The following CNBD1 variants were observed in gnomAD, a reference collection of about 807,000 sequenced individuals.
CNBD1 encodes cyclic nucleotide-binding domain-containing protein 1.
CNBD1 carries 71 observed loss-of-function variants against 54.4 expected under a neutral mutation model. The observed-to-expected ratio is 1.30, with a 90% CI of 1.08 to 1.59. The LOEUF (loss-of-function observed/expected upper bound fraction) is 1.59, where lower values mean the gene tolerates loss of function less well. CNBD1 is among the 40% of genes most tolerant of loss of function. CNBD1 has a pLI of 0.00. For synonymous variants in CNBD1, 182 were observed against 170.7 expected (o/e 1.07, Z -0.51); for missense variants, 659 against 518.0 (o/e 1.27, Z -2.64).
At chr8:87,135,126 T>C (rs1205553162) in intron 4 of CNBD1, among the ~76,000 whole-genome samples, 1 of 152,092 alleles carries the variant, frequency 6.6e-6, no homozygotes, top group East Asian at 1.9e-4. Flanking sequence ...GATTTCTAGA[T>C]CATTTTGGTT....
chr8:87,344,515 T>C (rs1810131135), intron 8 of CNBD1, among the ~76,000 whole-genome samples: 1 of 152,126 alleles, frequency 6.6e-6, no homozygotes, highest in Non-Finnish European at 1.5e-5. Flanking sequence ...AATATCTGTA[T>C]GAAATATGAT....
At chr8:87,335,079 T>C (rs973418326) in intron 8 of CNBD1, among the ~76,000 whole-genome samples, 1 of 152,214 alleles carries the variant, frequency 6.6e-6, no homozygotes, top group Non-Finnish European at 1.5e-5. Flanking sequence ...GAGACTGTTA[T>C]GATTTCAGTT....
At chr8:87,000,208 G>A (rs868034261) in intron 4 of CNBD1, among the ~76,000 whole-genome samples, 4 of 152,030 alleles carry the variant, frequency 2.6e-5, no homozygotes, top group Non-Finnish European at 4.4e-5. Context: ...TCCCCATGAT[G>A]TTCTCATGAT....
chr8:86,880,992 ACT>A (rs1808598726), intron 1 of CNBD1, among the ~76,000 whole-genome samples: 1 of 152,172 alleles, frequency 6.6e-6, no homozygotes, highest in South Asian at 2.1e-4. Flanking sequence ...CATGTTAAAA[ACT>A]CTCAATAAAC....
At chr8:87,292,833 C>T (rs1808811825) in intron 8 of CNBD1, among the ~76,000 whole-genome samples, 1 of 152,092 alleles carries the variant, frequency 6.6e-6, no homozygotes, top group Admixed American at 6.6e-5. Flanking sequence ...AAGTTCATCC[C>T]CTGTTTCACA....
At chr8:87,324,766 T>C (rs914669050) in intron 8 of CNBD1, among the ~76,000 whole-genome samples, 27 of 146,562 alleles carry the variant, frequency 1.8e-4, no homozygotes, top group African/African-American at 6.9e-4. Flanking sequence ...CCTGGATTCA[T>C]TGATTTTTTG....
chr8:87,056,122 A>G (rs1810413009), intron 4 of CNBD1, among the ~76,000 whole-genome samples: 2 of 152,172 alleles, frequency 1.3e-5, no homozygotes, highest in Admixed American at 1.3e-4. Context: ...GAGAGATCTA[A>G]CAGCTTGCCC....
intron 4 of CNBD1, among the ~76,000 whole-genome samples, chr8:86,944,383 ATGTAT>A (rs1807416039): frequency 6.6e-6 from 1 of 152,190 alleles, no homozygotes; most frequent in Non-Finnish European, 1.5e-5. Flanking sequence ...CTAAACACAT[ATGTAT>A]TCTGTCAGTT....
At chr8:87,236,035 G>A (rs555742301) in intron 5 of CNBD1, among the ~76,000 whole-genome samples, 3 of 152,152 alleles carry the variant, frequency 2.0e-5, no homozygotes, top group Non-Finnish European at 4.4e-5. Flanking sequence ...GACATGGCAA[G>A]CATTTGATGA....
At chr8:87,188,211 C>A (rs1813520488) in intron 4 of CNBD1, among the ~76,000 whole-genome samples, 1 of 152,164 alleles carries the variant, frequency 6.6e-6, no homozygotes, top group Admixed American at 6.5e-5. Context: ...GCGAATGTCT[C>A]TGCTCCCCTA....
In CNBD1 at chr8:87,354,884, A is replaced by G. The variant is rs543479964; in HGVS notation, c.1303+1098A>G. Among the ~76,000 whole-genome samples, 7 of 152,292 alleles carry G rather than the reference A, an allele frequency of 4.6e-5. No homozygotes were observed. The South Asian group carries it at 1.4e-3, about 32-fold the overall frequency. On this transcript the variant is annotated intron_variant, in intron 10 of 10. Coordinates refer to ENST00000518476, the MANE Select transcript of CNBD1 (RefSeq NM_173538.3). The stretch of plus-strand genomic sequence containing the variant: ...ATAACATACGTATGCATTTGTCTTT[A>G]TAGCAGCATGATTTATAATCCTTTG...
intron 4 of CNBD1, among the ~76,000 whole-genome samples, chr8:87,005,650 T>C (rs1809083022): frequency 6.6e-6 from 1 of 152,076 alleles, no homozygotes; most frequent in Non-Finnish European, 1.5e-5. Context: ...CCAGACATGT[T>C]AAACAGGCAA....
At chr8:87,224,851 G>A (rs1454985281) in intron 5 of CNBD1, among the ~76,000 whole-genome samples, 2 of 151,384 alleles carry the variant, frequency 1.3e-5, no homozygotes, top group African/African-American at 2.4e-5. Flanking sequence ...CCATTTTCAT[G>A]ATATTGATTC....
chr8:87,012,339 G>C (rs1211486284), intron 4 of CNBD1, among the ~76,000 whole-genome samples: 1 of 152,100 alleles, frequency 6.6e-6, no homozygotes, highest in Non-Finnish European at 1.5e-5. Flanking sequence ...AGGGAGTCAT[G>C]CCCCACAAAC....
intron 4 of CNBD1, among the ~76,000 whole-genome samples, chr8:87,183,894 A>G (rs1328811971): frequency 6.6e-6 from 1 of 152,170 alleles, no homozygotes; most frequent in Non-Finnish European, 1.5e-5. Flanking sequence ...TTGGGGTCAA[A>G]CACCTGCTAC....
chr8:87,015,706 C>T (rs1296260418), intron 4 of CNBD1, among the ~76,000 whole-genome samples: 1 of 151,658 alleles, frequency 6.6e-6, no homozygotes, highest in Non-Finnish European at 1.5e-5. Context: ...TTAGACATGC[C>T]TTTTGGCTCA....
chr8:87,310,191 C>A (rs1399463283), intron 8 of CNBD1, among the ~76,000 whole-genome samples: 1 of 151,894 alleles, frequency 6.6e-6, no homozygotes, highest in African/African-American at 2.4e-5. Flanking sequence ...TCCATCTCTA[C>A]AAAAAAGTTT....
intron 2 of CNBD1, among the ~76,000 whole-genome samples, chr8:87,413,013 C>A (rs992044608): frequency 1.3e-5 from 2 of 151,952 alleles, no homozygotes; most frequent in Non-Finnish European, 2.9e-5. Flanking sequence ...CGAGATACAA[C>A]AGAACTCGGG....
chr8:87,361,709 T>TATATATATATATATATATATA (rs1554582984), intron 10 of CNBD1, among the ~76,000 whole-genome samples: 1 of 150,264 alleles, frequency 6.7e-6, no homozygotes, highest in African/African-American at 2.4e-5. Flanking sequence ...TATATATATA[T>TATATATATATATATATATATA]TCTTGTTCAC....
Sources: allele counts gnomAD v4.1 joint callset (sites outside exome capture counted in the v4.1 genomes callset), GRCh38; gene constraint gnomAD v4.1.1; transcripts MANE v1.5; gene names NCBI Gene and HGNC (gene_info 2026-07-23, HGNC 2026-07-21).